Variants in NCKAP5 observed in about 807,000 individuals in gnomAD.
NCKAP5 encodes the protein NCK associated protein 5.
In NCKAP5, 92 loss-of-function variants were observed where a neutral mutation model predicts 167.0. The observed-to-expected ratio is 0.55, with a 90% CI of 0.47 to 0.66. NCKAP5 has a LOEUF of 0.66. Among genes scored for constraint, NCKAP5 ranks in the 30% least tolerant of loss-of-function variants. The pLI, the probability that NCKAP5 is intolerant of heterozygous loss-of-function variation, is 0.00. For missense variants in NCKAP5, 2,378 were observed against 2,315.0 expected, an observed-to-expected ratio of 1.03 and a Z score of -0.56; for synonymous variants, 891 against 877.4, an observed-to-expected ratio of 1.02 and a Z score of -0.27.
chr2:132,865,622 G>A (rs900044212), intron 10 of NCKAP5, among the ~76,000 whole-genome samples: 2 of 152,116 alleles, frequency 1.3e-5, no homozygotes, highest in South Asian at 4.1e-4. Context: ...ATCATAACCA[G>A]CCGTTGGATT....
intron 3 of NCKAP5, among the ~76,000 whole-genome samples, chr2:133,494,614 G>A (rs772106647): frequency 2.0e-4 from 31 of 152,066 alleles, no homozygotes; most frequent in Non-Finnish European, 3.5e-4. Flanking sequence ...GAGAAGGTGC[G>A]GTCAGACATG....
chr2:133,071,539 A>T (rs899053770), intron 6 of NCKAP5, among the ~76,000 whole-genome samples: 1 of 152,234 alleles, frequency 6.6e-6, no homozygotes, highest in African/African-American at 2.4e-5. Context: ...CAGTCTTTAT[A>T]TTATTCTTGC....
At chr2:133,639,940 T>G in the NCKAP5 span, among the ~76,000 whole-genome samples, 1 of 152,106 alleles carries the variant, frequency 6.6e-6, no homozygotes, top group Admixed American at 6.5e-5. Flanking sequence ...CCAACACAAT[T>G]AGGAATGAAA....
the NCKAP5 span, among the ~76,000 whole-genome samples, chr2:133,582,561 A>T: frequency 6.6e-6 from 1 of 152,206 alleles, no homozygotes; most frequent in Non-Finnish European, 1.5e-5. Flanking sequence ...GCACGGTAGT[A>T]ATCAGTGCTT....
At chr2:133,444,984 A>G (rs1188231763) in intron 3 of NCKAP5, among the ~76,000 whole-genome samples, 2 of 152,234 alleles carry the variant, frequency 1.3e-5, no homozygotes, top group African/African-American at 2.4e-5. Context: ...ATAATAAAAA[A>G]TAAGCTTTTA....
At chr2:133,146,513 A>C (rs528446174) in intron 5 of NCKAP5, among the ~76,000 whole-genome samples, 1 of 152,212 alleles carries the variant, frequency 6.6e-6, no homozygotes, top group Admixed American at 6.6e-5. Context: ...ACACACTGTA[A>C]AGTGTGAGTT....
chr2:133,180,137 G>T (rs2084665723), intron 5 of NCKAP5, among the ~76,000 whole-genome samples: 2 of 151,944 alleles, frequency 1.3e-5, no homozygotes, highest in Non-Finnish European at 1.5e-5. Flanking sequence ...AGGAATCTTG[G>T]AGGGCAGAAG....
intron 3 of NCKAP5, among the ~76,000 whole-genome samples, chr2:133,412,452 C>T (rs1311135000): frequency 1.3e-5 from 2 of 152,124 alleles, no homozygotes; most frequent in Admixed American, 6.5e-5. Context: ...AGGCTCTGCC[C>T]CACATTTTCT....
At chr2:133,056,468 T>C (rs1005350540) in intron 6 of NCKAP5, among the ~76,000 whole-genome samples, 1 of 152,174 alleles carries the variant, frequency 6.6e-6, no homozygotes, top group African/African-American at 2.4e-5. Context: ...GAGTCAAGTT[T>C]TTAAAATGCT....
chr2:132,768,392 AACTCTAGTAG>A (rs761847731), intron 16 of NCKAP5, among the ~76,000 whole-genome samples: 9 of 152,208 alleles, frequency 5.9e-5, no homozygotes, highest in Non-Finnish European at 1.3e-4. Context: ...ACTAATTGTT[AACTCTAGTAG>A]ACAATTAGTA....
intron 4 of NCKAP5, among the ~76,000 whole-genome samples, chr2:133,298,828 A>T (rs934121533): frequency 6.6e-6 from 1 of 152,306 alleles, no homozygotes; most frequent in Non-Finnish European, 1.5e-5. Context: ...GGATACAACC[A>T]TACATGTTAT....
intron 19 of NCKAP5, among the ~76,000 whole-genome samples, chr2:132,699,366 C>T (rs1333275274): frequency 1.3e-5 from 2 of 152,048 alleles, no homozygotes; most frequent in Non-Finnish European, 2.9e-5. Context: ...TTCTAGGGTA[C>T]ATGTGCACAA....
chr2:133,489,795 C>T (rs939333863), intron 3 of NCKAP5, among the ~76,000 whole-genome samples: 4 of 152,164 alleles, frequency 2.6e-5, no homozygotes, highest in African/African-American at 9.7e-5. Flanking sequence ...TTGGACCATT[C>T]CATTTGAAAT....
At chr2:132,949,037 A>AAGAAAAGAAAAGAAAAGAAT (rs2076098072) in intron 8 of NCKAP5, among the ~76,000 whole-genome samples, 1 of 149,026 alleles carries the variant, frequency 6.7e-6, no homozygotes, top group Non-Finnish European at 1.5e-5. Flanking sequence ...AAGAAAAGAA[A>AAGAAAAGAAAAGAAAAGAAT]AGAAAAGAAA....
rs371649180 is a variant in NCKAP5 at position 133,506,033 on chromosome 2, C to T, written c.69+11425G>A. Among the ~76,000 whole-genome samples the T allele has an allele frequency of 9.2e-5, 14 of 152,278 alleles. No homozygotes were observed. In the East Asian group the frequency reaches 1.4e-3, roughly 15 times the overall value. Reference sequence around the variant, plus strand: ...GAGAGTTTAAGAAATGTGCTAAAGGCCACACATCTACCAAACATTTCAACT... The same window carrying T: ...GAGAGTTTAAGAAATGTGCTAAAGGTCACACATCTACCAAACATTTCAACT... On this transcript the variant is annotated intron_variant, in intron 3 of 19. Transcript: ENST00000409261.
At chr2:133,262,499 A>G (rs921431761) in intron 4 of NCKAP5, among the ~76,000 whole-genome samples, 5 of 152,186 alleles carry the variant, frequency 3.3e-5, no homozygotes, top group African/African-American at 4.8e-5. Context: ...TTTGTAGGCT[A>G]TGTTCATGTC....
chr2:133,420,636 T>G (rs1165514128), intron 3 of NCKAP5, among the ~76,000 whole-genome samples: 1 of 152,160 alleles, frequency 6.6e-6, no homozygotes, highest in Non-Finnish European at 1.5e-5. Context: ...TAAAATAGGA[T>G]AAGGCTTTTG....
intron 3 of NCKAP5, among the ~76,000 whole-genome samples, chr2:133,421,390 C>A (rs1689466945): frequency 6.6e-6 from 1 of 152,166 alleles, no homozygotes; most frequent in South Asian, 2.1e-4. Flanking sequence ...GTACAAATTC[C>A]TCACCTGAGC....
chr2:132,710,400 C>A (rs544258935), intron 19 of NCKAP5, among the ~76,000 whole-genome samples: 2 of 152,272 alleles, frequency 1.3e-5, no homozygotes, highest in South Asian at 4.1e-4. Context: ...CTTTTAGAAG[C>A]ACATATCCCT....
Sources: gnomAD v4.1 joint callset for allele counts (sites outside exome capture counted in the v4.1 genomes callset) on GRCh38, gnomAD v4.1.1 for gene constraint, MANE v1.5 for transcripts, NCBI Gene and HGNC (gene_info 2026-07-23, HGNC 2026-07-21) for gene names.